The following CDH2 variants were observed in gnomAD, a reference collection of about 807,000 sequenced individuals.
CDH2 encodes the protein cadherin-2.
Under a neutral mutation model 92.0 loss-of-function variants are expected in CDH2, and 17 were observed. That is an observed-to-expected ratio of 0.18 (90% CI 0.13 to 0.28). The LOEUF is 0.28. Ranked by LOEUF, CDH2 falls within the 10% of genes least tolerant of loss-of-function variation. The pLI, the probability that CDH2 is intolerant of heterozygous loss-of-function variation, is 1.00. For synonymous variants in CDH2, 419 were observed against 415.9 expected (o/e 1.01, Z -0.09); for missense variants, 862 against 1,133.1 (o/e 0.76, Z 3.44).
chr18:28,067,010 G>C (rs868416540), intron 2 of CDH2, among the ~76,000 whole-genome samples: 3 of 151,948 alleles, frequency 2.0e-5, no homozygotes, highest in Admixed American at 6.6e-5. Context: ...ACGTACAGGG[G>C]AAAACAAACT....
Position 27,951,865 on chromosome 18 carries a change from A to T in CDH2, c.*288T>A. 1 of 364,184 alleles carries T rather than the reference A, an allele frequency of 2.7e-6. No individual in the cohort carries two copies. The highest frequency in any genetic ancestry group is 3.6e-5 in the South Asian group (1 of 28,018). The allele number at this position is 364,184 out of a possible 1,614,324, so 22.6% of individuals were successfully genotyped here. On this transcript the variant is annotated 3_prime_UTR_variant, in exon 16 of 16. Transcript: ENST00000269141. Reference sequence around the variant, plus strand: ...TCGTTTCAGAAATCAGTACCATTAAAGCCTTAAACAGAAAACTAATTCCAA... The same window carrying T: ...TCGTTTCAGAAATCAGTACCATTAATGCCTTAAACAGAAAACTAATTCCAA...
chr18:28,012,207 A>G (rs1357233920), intron 3 of CDH2, among the ~76,000 whole-genome samples: 2 of 152,168 alleles, frequency 1.3e-5, no homozygotes, highest in African/African-American at 4.8e-5. Flanking sequence ...TGAATTCTAA[A>G]CAATTTATTA....
chr18:28,039,687 G>T (rs374145088), intron 2 of CDH2, among the ~76,000 whole-genome samples: 1 of 152,062 alleles, frequency 6.6e-6, no homozygotes, highest in African/African-American at 2.4e-5. Flanking sequence ...AGTCTGTATC[G>T]TGTGTTTTTT....
chr18:28,129,065 T>C (rs1400897459), intron 2 of CDH2, among the ~76,000 whole-genome samples: 2 of 152,192 alleles, frequency 1.3e-5, no homozygotes, highest in East Asian at 3.9e-4. Flanking sequence ...CCCAGTCCAC[T>C]CAAAAGCATT....
In CDH2 at chr18:28,011,718, A is replaced by G. The variant is rs2013105244; in HGVS notation, c.546+128T>C. 3 of 848,424 alleles carry G rather than the reference A, an allele frequency of 3.5e-6. No individual in the cohort carries two copies. The Admixed American group carries it at 7.7e-5, about 22-fold the overall frequency. The allele number at this position is 848,424 out of a possible 1,614,324, so 52.6% of individuals were successfully genotyped here. On this transcript the variant is annotated intron_variant, in intron 4 of 15. Transcript: ENST00000269141. ...CTTTCTACAACACTACAGAAATTCT[A>G]TCTTTATAGAAAAACACTTTTAGTA...
chr18:27,986,997 C>T lies in CDH2; in HGVS notation c.1742-1236G>A, dbSNP rs2143959975. Among the ~76,000 whole-genome samples the T allele has an allele frequency of 2.0e-5, 3 of 152,310 alleles. No homozygotes were observed. In the South Asian group the frequency reaches 6.2e-4, roughly 32 times the overall value. ...AACAGAGCTGGGGCTCCAAGTCTAG[C>T]CTTGTGGCTTAAAGGAAAGTGCAAT... On this transcript the variant is annotated intron_variant, in intron 11 of 15. Coordinates refer to ENST00000269141, the MANE Select transcript of CDH2 (RefSeq NM_001792.5).
chr18:27,947,803 G>GT (rs1909312627), downstream of CDH2, among the ~76,000 whole-genome samples: 1 of 8,580 alleles, frequency 1.2e-4, no homozygotes, highest in Admixed American at 2.0e-3. Context: ...TATATGTGAT[G>GT]TAAGTATATG....
chr18:28,133,092 C>T (rs2015799340), intron 2 of CDH2, among the ~76,000 whole-genome samples: 1 of 152,188 alleles, frequency 6.6e-6, no homozygotes, highest in Admixed American at 6.5e-5. Flanking sequence ...TGGTTCCTCA[C>T]TTACTTTGAC....
At chr18:28,142,269 C>T (rs189284729) in intron 2 of CDH2, among the ~76,000 whole-genome samples, 6 of 151,990 alleles carry the variant, frequency 3.9e-5, no homozygotes, top group Non-Finnish European at 8.8e-5. Context: ...CATATCTCCT[C>T]GTTCTAAGTT....
chr18:28,164,679 C>T (rs1473459072), intron 1 of CDH2, among the ~76,000 whole-genome samples: 1 of 152,078 alleles, frequency 6.6e-6, no homozygotes, highest in East Asian at 1.9e-4. Flanking sequence ...CACACACACA[C>T]ATACTCCCAC....
intron 2 of CDH2, chr18:28,146,764 A>T (rs2016041552): frequency 6.6e-6 from 1 of 152,030 alleles, no homozygotes; most frequent in South Asian, 2.1e-4. Context: ...GCTCTGTGTA[A>T]ATTAATTAGT....
chr18:28,069,316 G>T (rs2014572346), intron 2 of CDH2, among the ~76,000 whole-genome samples: 1 of 152,120 alleles, frequency 6.6e-6, no homozygotes, highest in Non-Finnish European at 1.5e-5. Context: ...AGGTCTATAT[G>T]ATTATTCTGT....
intron 15 of CDH2, 64 bp downstream of exon 15, chr18:27,963,293 A>T (rs947549637): frequency 1.3e-6 from 2 of 1,487,236 alleles, no homozygotes; most frequent in African/African-American, 2.8e-5. Flanking sequence ...TTTGTGGCCT[A>T]CAGAGATCTA....
intron 14 of CDH2, among the ~76,000 whole-genome samples, chr18:27,965,826 A>T (rs2011519332): frequency 6.6e-6 from 1 of 151,898 alleles, no homozygotes; most frequent in Admixed American, 6.6e-5. Context: ...CTACTAAAAA[A>T]TACAAAAATC....
intron 2 of CDH2, among the ~76,000 whole-genome samples, chr18:28,081,921 GA>G (rs2014838604): frequency 6.6e-6 from 1 of 152,170 alleles, no homozygotes; most frequent in African/African-American, 2.4e-5. Context: ...AGCCGGCAAG[GA>G]AGGAAGGAGT....
chr18:28,126,978 T>G (rs1416280511), intron 2 of CDH2, among the ~76,000 whole-genome samples: 1 of 152,094 alleles, frequency 6.6e-6, no homozygotes, highest in African/African-American at 2.4e-5. Context: ...GAGGCAGAGA[T>G]GCTGGAGGGG....
At chr18:28,080,222 T>C (rs1191236844) in intron 2 of CDH2, among the ~76,000 whole-genome samples, 1 of 152,206 alleles carries the variant, frequency 6.6e-6, no homozygotes, top group Non-Finnish European at 1.5e-5. Context: ...GGAAGGTCAC[T>C]ACCTGTGAAA....
rs148574186 is a variant in CDH2, at chr18:28,136,693, C to A, written c.172+10980G>T. ...AATTTATAACCTCCAAAGTACAACA[C>A]CTCCAAAAATCCATCTAGACTAATA... On this transcript the variant is annotated intron_variant, in intron 2 of 15. Coordinates refer to ENST00000269141, the MANE Select transcript of CDH2 (RefSeq NM_001792.5). Among the ~76,000 whole-genome samples, 372 of 152,174 alleles carry A rather than the reference C, an allele frequency of 2.4e-3. 6 individuals carry two copies. Among genetic ancestry groups the A allele is most frequent in the Admixed American group, 0.019 (293 of 15,268 alleles).
At chr18:28,086,294 T>A (rs2014925819) in intron 2 of CDH2, among the ~76,000 whole-genome samples, 1 of 152,210 alleles carries the variant, frequency 6.6e-6, no homozygotes, top group Admixed American at 6.5e-5. Flanking sequence ...CTTTCCAACA[T>A]TAGAACTCTA....
Sources: allele counts gnomAD v4.1 joint callset (sites outside exome capture counted in the v4.1 genomes callset), GRCh38; gene constraint gnomAD v4.1.1; transcripts MANE v1.5; gene names NCBI Gene and HGNC (gene_info 2026-07-23, HGNC 2026-07-21).